The following GPM6A variants were observed in gnomAD, a reference collection of about 807,000 sequenced individuals.
GPM6A encodes glycoprotein M6A, also known as neuronal membrane glycoprotein M6-a.
GPM6A carries 7 observed loss-of-function variants against 32.1 expected under a neutral mutation model. That is an observed-to-expected ratio of 0.22 (90% confidence interval 0.12 to 0.41). The LOEUF is 0.41. Ranked by LOEUF, GPM6A falls within the 10% of genes least tolerant of loss-of-function variation. The pLI is 1.00. For missense variants in GPM6A, 235 were observed against 347.2 expected (o/e 0.68, Z 2.57); for synonymous variants, 130 against 123.4 (o/e 1.05, Z -0.35).
chr4:175,880,528 G>A (rs1257917307), intron 1 of GPM6A, among the ~76,000 whole-genome samples: 3 of 152,182 alleles, frequency 2.0e-5, no homozygotes, highest in Admixed American at 6.6e-5. Flanking sequence ...AGCATAGAAT[G>A]TTCTTCCATT....
intron 1 of GPM6A, among the ~76,000 whole-genome samples, chr4:175,909,751 G>C (rs1053347444): frequency 6.6e-6 from 1 of 152,138 alleles, no homozygotes; most frequent in African/African-American, 2.4e-5. Flanking sequence ...ACAAAAGTTG[G>C]TAGGATTTGC....
At chr4:175,747,286 A>G (rs1201406732) in intron 1 of GPM6A, among the ~76,000 whole-genome samples, 1 of 151,776 alleles carries the variant, frequency 6.6e-6, no homozygotes, top group African/African-American at 2.4e-5. Flanking sequence ...AAAAAAAAAA[A>G]AAAAAGAAGG....
intron 1 of GPM6A, among the ~76,000 whole-genome samples, chr4:175,879,257 T>C (rs1201596811): frequency 6.6e-6 from 1 of 152,210 alleles, no homozygotes; most frequent in Non-Finnish European, 1.5e-5. Flanking sequence ...CCTCTGCCTG[T>C]TGTCCAGTTC....
intron 1 of GPM6A, among the ~76,000 whole-genome samples, chr4:175,932,085 A>G (rs1007036362): frequency 4.0e-5 from 6 of 148,922 alleles, no homozygotes; most frequent in Non-Finnish European, 8.9e-5. Context: ...CCAGAGTGAG[A>G]TCTTGCCTCT....
intron 1 of GPM6A, among the ~76,000 whole-genome samples, chr4:175,764,335 T>C (rs1314258266): frequency 6.6e-6 from 1 of 152,238 alleles, no homozygotes; most frequent in Non-Finnish European, 1.5e-5. Context: ...TGTTGTAGCA[T>C]GTATCAGTAC....
chr4:175,959,718 T>C (rs1740106381), intron 1 of GPM6A, among the ~76,000 whole-genome samples: 1 of 152,136 alleles, frequency 6.6e-6, no homozygotes. Context: ...TCCACACACA[T>C]GCAAACATAT....
intron 1 of GPM6A, among the ~76,000 whole-genome samples, chr4:175,852,888 C>T (rs1308629745): frequency 6.6e-6 from 1 of 152,114 alleles, no homozygotes. Flanking sequence ...AAAGATATAT[C>T]ACCTTGTTCA....
intron 1 of GPM6A, among the ~76,000 whole-genome samples, chr4:175,985,753 AT>A (rs1354790551): frequency 1.3e-5 from 2 of 152,082 alleles, no homozygotes; most frequent in African/African-American, 4.8e-5. Flanking sequence ...TTTACTTATA[AT>A]TTTTATCATA....
At chr4:175,941,047 T>C (rs1448668257) in intron 1 of GPM6A, among the ~76,000 whole-genome samples, 2 of 152,204 alleles carry the variant, frequency 1.3e-5, no homozygotes, top group African/African-American at 4.8e-5. Context: ...GTACAGGAGC[T>C]TAACAAACAT....
intron 1 of GPM6A, among the ~76,000 whole-genome samples, chr4:175,930,738 C>A (rs189136246): frequency 6.6e-6 from 1 of 152,168 alleles, no homozygotes; most frequent in Non-Finnish European, 1.5e-5. Context: ...TTTCTTCCCA[C>A]ATACCAAACA....
At chr4:175,883,913 A>G (rs761307808) in intron 1 of GPM6A, among the ~76,000 whole-genome samples, 2 of 152,238 alleles carry the variant, frequency 1.3e-5, no homozygotes, top group Admixed American at 1.3e-4. Flanking sequence ...TGCATAATAC[A>G]GTTGATTACA....
chr4:175,637,644 T>A (rs1307802156), intron 6 of GPM6A, among the ~76,000 whole-genome samples: 2 of 25,594 alleles, frequency 7.8e-5, no homozygotes, highest in Admixed American at 1.1e-3. Context: ...TATTATATAT[T>A]ATATAAAATA....
chr4:175,662,588 A>C (rs571496940), intron 3 of GPM6A, among the ~76,000 whole-genome samples: 55 of 152,150 alleles, frequency 3.6e-4, no homozygotes, highest in Non-Finnish European at 7.1e-4. Context: ...CAACAGAAGG[A>C]GACTGTCTCA....
At chr4:175,743,256 G>A (rs2643987) in intron 1 of GPM6A, among the ~76,000 whole-genome samples, 9,710 of 151,914 alleles carry the variant, frequency 0.064, 485 homozygotes, top group East Asian at 0.27. Flanking sequence ...AATAGTTCAT[G>A]ATGAGGTAGG....
At chr4:175,665,748 C>T (rs2110960149) in intron 3 of GPM6A, among the ~76,000 whole-genome samples, 1 of 150,838 alleles carries the variant, frequency 6.6e-6, no homozygotes, top group Non-Finnish European at 1.5e-5. Flanking sequence ...TGCCACTGCA[C>T]TCCAGCCTGG....
chr4:175,733,390 C>G (rs1428556989), intron 1 of GPM6A, among the ~76,000 whole-genome samples: 1 of 152,104 alleles, frequency 6.6e-6, no homozygotes, highest in African/African-American at 2.4e-5. Context: ...ATAGTCCAAG[C>G]TACTCGGGAG....
chr4:175,801,495 A>T (rs1014845737), intron 1 of GPM6A, among the ~76,000 whole-genome samples: 4 of 152,126 alleles, frequency 2.6e-5, no homozygotes, highest in Non-Finnish European at 5.9e-5. Context: ...ACTTTAAGAA[A>T]TAAATCTATT....
At chr4:175,772,432 G>C (rs1224772488) in intron 1 of GPM6A, among the ~76,000 whole-genome samples, 1 of 152,162 alleles carries the variant, frequency 6.6e-6, no homozygotes, top group Non-Finnish European at 1.5e-5. Flanking sequence ...CTGACAAAGA[G>C]CTCTGTCGCA....
intron 3 of GPM6A, among the ~76,000 whole-genome samples, chr4:175,664,792 C>T (rs1164493583): frequency 6.6e-6 from 1 of 152,192 alleles, no homozygotes; most frequent in East Asian, 1.9e-4. Flanking sequence ...TAGAGTTATA[C>T]ATCCTTTAAA....
Sources: gnomAD v4.1 joint callset for allele counts (sites outside exome capture counted in the v4.1 genomes callset) on GRCh38, gnomAD v4.1.1 for gene constraint, MANE v1.5 for transcripts, NCBI Gene and HGNC (gene_info 2026-07-23, HGNC 2026-07-21) for gene names.